The following SMYD3 variants were observed in gnomAD, a reference collection of about 807,000 sequenced individuals.
The protein encoded by SMYD3 is SET and MYND domain containing 3.
SMYD3 carries 36 observed loss-of-function variants against 57.7 expected under a neutral mutation model. That is an observed-to-expected ratio of 0.62 (90% CI 0.48 to 0.82). SMYD3 has a LOEUF of 0.82. Ranked by LOEUF, SMYD3 falls within the 40% of genes least tolerant of loss-of-function variation. The probability of loss-of-function intolerance (pLI) is 0.00; values close to 1 mark genes in which losing one functional copy is unlikely to be tolerated. For synonymous variants in SMYD3, 211 were observed against 195.0 expected (o/e 1.08, Z -0.68); for missense variants, 515 against 538.8 (o/e 0.96, Z 0.44).
At chr1:246,372,891 C>G (rs976866894) in intron 1 of SMYD3, among the ~76,000 whole-genome samples, 4 of 152,104 alleles carry the variant, frequency 2.6e-5, no homozygotes, top group Admixed American at 2.6e-4. Context: ...GTATGAAATA[C>G]AGAAAGTACA....
At chr1:246,019,682 T>C (rs1342642023) in intron 5 of SMYD3, among the ~76,000 whole-genome samples, 1 of 152,212 alleles carries the variant, frequency 6.6e-6, no homozygotes, top group Non-Finnish European at 1.5e-5. Context: ...CCATCTGTGC[T>C]ATCTTAAATG....
intron 5 of SMYD3, among the ~76,000 whole-genome samples, chr1:246,099,158 C>T (rs1007624873): frequency 1.6e-4 from 24 of 152,104 alleles, no homozygotes; most frequent in African/African-American, 5.6e-4. Flanking sequence ...TCGGGCCTAT[C>T]GGGCAAGTTG....
intron 5 of SMYD3, among the ~76,000 whole-genome samples, chr1:246,079,814 A>C (rs555991381): frequency 1.2e-4 from 19 of 152,370 alleles, no homozygotes; most frequent in African/African-American, 4.6e-4. Context: ...CTCATGAAAG[A>C]ATAAACATTT....
chr1:245,961,873 C>G (rs1038772444), intron 5 of SMYD3, among the ~76,000 whole-genome samples: 2 of 152,176 alleles, frequency 1.3e-5, no homozygotes, highest in Non-Finnish European at 2.9e-5. Context: ...TTTAACAGGG[C>G]CCAGAATACA....
At chr1:246,441,858 C>T (rs942130212) in intron 1 of SMYD3, among the ~76,000 whole-genome samples, 4 of 152,234 alleles carry the variant, frequency 2.6e-5, no homozygotes, top group South Asian at 2.1e-4. Flanking sequence ...GTGATCCTCC[C>T]GCCTCGGGCC....
At chr1:245,825,848 A>C (rs180723308) in intron 10 of SMYD3, among the ~76,000 whole-genome samples, 1 of 150,360 alleles carries the variant, frequency 6.7e-6, no homozygotes, top group Non-Finnish European at 1.5e-5. Flanking sequence ...GAATTAAGTA[A>C]CTTGCCCAAG....
intron 7 of SMYD3, among the ~76,000 whole-genome samples, chr1:245,920,936 C>T (rs757306851): frequency 6.6e-6 from 1 of 152,116 alleles, no homozygotes; most frequent in Non-Finnish European, 1.5e-5. Context: ...CAAAAATTGA[C>T]AAGTGGGACC....
At chr1:246,246,675 C>T (rs1166316180) in intron 5 of SMYD3, among the ~76,000 whole-genome samples, 1 of 151,920 alleles carries the variant, frequency 6.6e-6, no homozygotes, top group Non-Finnish European at 1.5e-5. Flanking sequence ...ATATTTATGA[C>T]TTTATTTAAT....
intron 5 of SMYD3, among the ~76,000 whole-genome samples, chr1:246,190,275 A>C (rs1234760332): frequency 1.3e-5 from 2 of 152,196 alleles, no homozygotes; most frequent in Admixed American, 6.5e-5. Context: ...TATACTTAAG[A>C]GTTTTATTTC....
chr1:246,453,688 T>A (rs531273477), intron 1 of SMYD3, among the ~76,000 whole-genome samples: 1 of 152,112 alleles, frequency 6.6e-6, no homozygotes, highest in Admixed American at 6.6e-5. Context: ...CAAACCAGCC[T>A]TAAAAAGGCC....
chr1:246,191,257 T>C (rs1228641970), intron 5 of SMYD3, among the ~76,000 whole-genome samples: 1 of 152,206 alleles, frequency 6.6e-6, no homozygotes, highest in Non-Finnish European at 1.5e-5. Flanking sequence ...TTGAGATTCT[T>C]TGTTTTGGAT....
At chr1:246,422,883 C>G (rs2067162991) in intron 1 of SMYD3, among the ~76,000 whole-genome samples, 1 of 151,980 alleles carries the variant, frequency 6.6e-6, no homozygotes, top group African/African-American at 2.4e-5. Flanking sequence ...TACTATGTGC[C>G]AGGCACTGTT....
chr1:246,294,416 T>C (rs1367198863), intron 5 of SMYD3, among the ~76,000 whole-genome samples: 1 of 152,158 alleles, frequency 6.6e-6, no homozygotes, highest in African/African-American at 2.4e-5. Flanking sequence ...TGCCTGTAAG[T>C]GTTCAGCTAA....
intron 1 of SMYD3, among the ~76,000 whole-genome samples, chr1:246,498,644 T>C (rs1407664215): frequency 1.4e-5 from 2 of 146,302 alleles, no homozygotes; most frequent in East Asian, 2.0e-4. Flanking sequence ...GGCAGGAGAA[T>C]AGTGTGAACC....
At chr1:245,824,955 C>A (rs576336023) in intron 10 of SMYD3, among the ~76,000 whole-genome samples, 3 of 151,918 alleles carry the variant, frequency 2.0e-5, no homozygotes, top group Non-Finnish European at 4.4e-5. Flanking sequence ...TGCTTGAACC[C>A]GAGAGGCAGA....
chr1:246,488,398 CAG>C (rs1268614020), intron 1 of SMYD3, among the ~76,000 whole-genome samples: 2 of 152,290 alleles, frequency 1.3e-5, no homozygotes, highest in East Asian at 3.9e-4. Flanking sequence ...AAAAAAATAA[CAG>C]AGATTTAGGC....
intron 7 of SMYD3, among the ~76,000 whole-genome samples, chr1:245,921,549 G>A (rs113903225): frequency 0.081 from 11,066 of 136,698 alleles, 795 homozygotes; most frequent in East Asian, 0.26. Context: ...AAAATGTGGT[G>A]TATATATATA....
intron 5 of SMYD3, among the ~76,000 whole-genome samples, chr1:246,049,893 C>G (rs2060038193): frequency 1.3e-5 from 2 of 152,088 alleles, no homozygotes; most frequent in Non-Finnish European, 2.9e-5. Flanking sequence ...ACTTCAATAG[C>G]CCACTAATAA....
chr1:246,095,204 C>T (rs768136111), intron 5 of SMYD3, among the ~76,000 whole-genome samples: 70 of 152,228 alleles, frequency 4.6e-4, no homozygotes, highest in Non-Finnish European at 6.8e-4. Context: ...CAACTTCATA[C>T]TTCTTTCCTT....
Sources: gnomAD v4.1 joint callset for allele counts (sites outside exome capture counted in the v4.1 genomes callset) on GRCh38, gnomAD v4.1.1 for gene constraint, MANE v1.5 for transcripts, NCBI Gene and HGNC (gene_info 2026-07-23, HGNC 2026-07-21) for gene names.